The following RNF138 variants were observed in gnomAD, a reference collection of about 807,000 sequenced individuals.
RNF138 encodes E3 ubiquitin-protein ligase RNF138.
In RNF138, 12 loss-of-function variants were observed where a neutral mutation model predicts 31.0. That is an observed-to-expected ratio of 0.39 (90% CI 0.25 to 0.63). The LOEUF (loss-of-function observed/expected upper bound fraction) is 0.63, where lower values mean the gene tolerates loss of function less well. Ranked by LOEUF, RNF138 falls within the 20% of genes least tolerant of loss-of-function variation. The probability of loss-of-function intolerance (pLI) is 0.52; values close to 1 mark genes in which losing one functional copy is unlikely to be tolerated. For synonymous variants in RNF138, 105 were observed against 99.5 expected, an observed-to-expected ratio of 1.06 and a Z score of -0.33; for missense variants, 192 against 300.1, an observed-to-expected ratio of 0.64 and a Z score of 2.66.
intron 4 of RNF138, among the ~76,000 whole-genome samples, chr18:32,119,857 CTAAT>C (rs1246679684): frequency 6.6e-6 from 1 of 152,008 alleles, no homozygotes; most frequent in Non-Finnish European, 1.5e-5. Context: ...GTTTGATAAT[CTAAT>C]TAGTTATTAC....
chr18:32,102,939 A>AT (rs1307409220), intron 2 of RNF138, among the ~76,000 whole-genome samples: 2 of 151,974 alleles, frequency 1.3e-5, no homozygotes, highest in African/African-American at 2.4e-5. Context: ...CCAATTTGGG[A>AT]TTTTCTAACA....
intron 2 of RNF138, among the ~76,000 whole-genome samples, chr18:32,105,462 C>T (rs180971137): frequency 4.8e-4 from 73 of 152,252 alleles, no homozygotes; most frequent in African/African-American, 1.7e-3. Flanking sequence ...TAGTTCCACA[C>T]GTTTTGGAAC....
chr18:32,114,521 A>G (rs537580552), intron 4 of RNF138, among the ~76,000 whole-genome samples: 1 of 152,324 alleles, frequency 6.6e-6, no homozygotes, highest in African/African-American at 2.4e-5. Flanking sequence ...CAGGATCTCT[A>G]TGTGAGCTCC....
chr18:32,092,974 GAA>G, intron 2 of RNF138, 88 bp downstream of exon 2: 1 of 680,472 alleles, frequency 1.5e-6, no homozygotes, highest in Non-Finnish European at 2.2e-6. Flanking sequence ...CGCCTGGCGG[GAA>G]CCGAGCCCGC....
intron 2 of RNF138, among the ~76,000 whole-genome samples, chr18:32,110,954 A>T (rs1237212402): frequency 6.6e-6 from 1 of 151,944 alleles, no homozygotes; most frequent in Non-Finnish European, 1.5e-5. Flanking sequence ...CTAATTTTTT[A>T]TATTTTTAGT....
chr18:32,128,969 A>G (rs965325906), intron 7 of RNF138, 150 bp from the exon 8 acceptor site: 1 of 548,542 alleles, frequency 1.8e-6, no homozygotes, highest in Non-Finnish European at 3.3e-6. Flanking sequence ...ATCTTAAAAG[A>G]TACTGTTATA....
chr18:32,100,737 A>G (rs1259998092), intron 2 of RNF138, among the ~76,000 whole-genome samples: 1 of 151,720 alleles, frequency 6.6e-6, no homozygotes, highest in Admixed American at 6.6e-5. Flanking sequence ...CGGCCTACCA[A>G]AGTGTTGGGA....
intron 2 of RNF138, among the ~76,000 whole-genome samples, chr18:32,100,376 T>C (rs1444458536): frequency 6.6e-6 from 1 of 151,618 alleles, no homozygotes; most frequent in African/African-American, 2.4e-5. Flanking sequence ...CATGGCTCAC[T>C]GCAGCCTTGA....
intron 4 of RNF138, chr18:32,122,494 A>G (rs2040322700): frequency 6.6e-6 from 1 of 152,080 alleles, no homozygotes; most frequent in Admixed American, 6.6e-5. Context: ...TACTGTGTTA[A>G]GATTTCTACT....
At chr18:32,114,234 C>CTA (rs2040179685) in intron 4 of RNF138, among the ~76,000 whole-genome samples, 1 of 152,038 alleles carries the variant, frequency 6.6e-6, no homozygotes, top group Admixed American at 6.6e-5. Context: ...TTTTTCTTTG[C>CTA]TATCTAAGGG....
intron 2 of RNF138, among the ~76,000 whole-genome samples, chr18:32,094,107 T>TA (rs2039761593): frequency 6.6e-6 from 1 of 152,142 alleles, no homozygotes; most frequent in South Asian, 2.1e-4. Flanking sequence ...TCTTTATTTT[T>TA]AAAAAACACA....
At chr18:32,108,332 A>T (rs2040071144) in intron 2 of RNF138, among the ~76,000 whole-genome samples, 1 of 152,106 alleles carries the variant, frequency 6.6e-6, no homozygotes, top group Non-Finnish European at 1.5e-5. Flanking sequence ...CTCTAAGGGA[A>T]CATATCCCAC....
At chr18:32,117,254 C>T (rs1029043306) in intron 4 of RNF138, among the ~76,000 whole-genome samples, 14 of 151,626 alleles carry the variant, frequency 9.2e-5, no homozygotes, top group Non-Finnish European at 2.1e-4. Context: ...GTTATATTCA[C>T]GGTCTGAGCA....
chr18:32,110,369 C>T (rs569033310), intron 2 of RNF138, among the ~76,000 whole-genome samples: 1 of 152,284 alleles, frequency 6.6e-6, no homozygotes, highest in East Asian at 1.9e-4. Flanking sequence ...ATTTATTGAG[C>T]ACTTTCCTGA....
chr18:32,114,681 C>T (rs775197762), intron 4 of RNF138, among the ~76,000 whole-genome samples: 24 of 152,154 alleles, frequency 1.6e-4, no homozygotes, highest in Non-Finnish European at 2.6e-4. Flanking sequence ...TAAGCACATA[C>T]GTAACTGTAA....
chr18:32,112,612 G>A (rs975715487), intron 3 of RNF138, among the ~76,000 whole-genome samples: 1 of 152,202 alleles, frequency 6.6e-6, no homozygotes, highest in African/African-American at 2.4e-5. Flanking sequence ...AACCTGGGCG[G>A]CAGAGGTTGC....
chr18:32,123,100 C>T (rs182060317), intron 4 of RNF138, among the ~76,000 whole-genome samples: 260 of 152,260 alleles, frequency 1.7e-3, no homozygotes, highest in African/African-American at 5.7e-3. Context: ...CTTTGGAGGG[C>T]ATAACCTTAT....
At chr18:32,105,866 C>A (rs1318679266) in intron 2 of RNF138, among the ~76,000 whole-genome samples, 2 of 152,232 alleles carry the variant, frequency 1.3e-5, no homozygotes, top group Admixed American at 1.3e-4. Flanking sequence ...TGACTTTTTT[C>A]CCCCTGAAAA....
intron 4 of RNF138, among the ~76,000 whole-genome samples, chr18:32,121,575 T>C (rs183114492): frequency 5.3e-5 from 8 of 152,348 alleles, no homozygotes; most frequent in African/African-American, 1.7e-4. Context: ...CCCAATGATA[T>C]TATAGTTCTA....
Sources: allele counts gnomAD v4.1 joint callset (sites outside exome capture counted in the v4.1 genomes callset), GRCh38; gene constraint gnomAD v4.1.1; transcripts MANE v1.5; gene names NCBI Gene and HGNC (gene_info 2026-07-23, HGNC 2026-07-21).